SETD1A: variants seen among roughly 807,000 people sequenced by gnomAD.
SETD1A encodes the protein SET domain containing 1A, histone lysine methyltransferase.
In SETD1A, 29 loss-of-function variants were observed where a neutral mutation model predicts 149.9. That is an observed-to-expected ratio of 0.19 (90% confidence interval 0.14 to 0.26). The LOEUF (loss-of-function observed/expected upper bound fraction) is 0.26, where lower values mean the gene tolerates loss of function less well. Among genes scored for constraint, SETD1A ranks in the 10% least tolerant of loss-of-function variants. The pLI is 1.00. For missense variants in SETD1A, 2,109 were observed against 2,353.1 expected (o/e 0.90, Z 2.15); for synonymous variants, 1,141 against 968.5 (o/e 1.18, Z -3.31).
chr16:30,983,790 CG>C lies in SETD1A; in HGVS notation c.4950+22del. The C allele has an allele frequency of 6.2e-7, 1 of 1,613,198 alleles. No homozygotes were observed. The highest frequency in any genetic ancestry group is 8.5e-7 in the Non-Finnish European group (1 of 1,179,426). ...GCTGCACGGTGCGCCAGGGGCCAGC[CG>C]GGGCAGGAGTTGGGGGTCGGTGGGG... On this transcript the variant is annotated intron_variant, in intron 18 of 18. Transcript: ENST00000262519. This position sits in a 1 kb window ranked among gnomAD's most constrained non-coding sequence, Gnocchi z 6.8.
At chr16:30,958,519 T>C (rs917164187) in intron 1 of SETD1A, 198 bp from the exon 2 acceptor site, 1 of 579,414 alleles carries the variant, frequency 1.7e-6, no homozygotes, top group South Asian at 2.1e-5. Flanking sequence ...ACAGTAGAGT[T>C]GGGAGGTGGA....
rs1448837136 is a variant in SETD1A at position 30,965,090 on chromosome 16, A to G, written c.1348A>G (p.Ser450Gly). The G allele has an allele frequency of 6.2e-7, 1 of 1,611,344 alleles. No homozygotes were observed. Among genetic ancestry groups the G allele is most frequent in the Admixed American group, 1.7e-5 (1 of 59,972 alleles). The change falls in exon 7 of 19, where the codon AGC becomes GGC. Residue 450 changes from serine (S) to glycine (G), a missense_variant. Around this residue, in one of 8 missense-constraint regions of SETD1A, gnomAD observed 410 missense variants for 394.8 expected, o/e 1.04. Coordinates refer to ENST00000262519, the MANE Select transcript of SETD1A (RefSeq NM_014712.3). ...PGGGGGGGGP[S>G]PEREEVRTSP... ...TGGAGGCGGGGGTGGAGGAGGGCCC[A>G]GCCCTGAGAGAGAAGAAGTTCGGAC...
intron 17 of SETD1A, 101 bp downstream of exon 17, chr16:30,981,281 C>G (rs1172821840): frequency 6.8e-7 from 1 of 1,478,434 alleles, no homozygotes; most frequent in Non-Finnish European, 9.2e-7. Flanking sequence ...TGCACACTCC[C>G]TAACCCCGGT....
chr16:30,975,133 C>T (rs1258763956), intron 13 of SETD1A, among the ~76,000 whole-genome samples: 3 of 149,730 alleles, frequency 2.0e-5, no homozygotes, highest in Non-Finnish European at 3.0e-5. Flanking sequence ...GGTGACAGAG[C>T]GAGACTGTCT....
chr16:30,984,123 C>CT lies in SETD1A; in HGVS notation c.*100_*101insT. On this transcript the variant is annotated 3_prime_UTR_variant, in exon 19 of 19. Transcript: ENST00000262519. ...TAGTGGGCTCAGCAGGGCCCACATG[C>CT]CCCCATCTCCAAGCGTGGGGTTGGG... 1 of 1,132,478 alleles carries CT rather than the reference C, an allele frequency of 8.8e-7. No individual in the cohort carries two copies. The highest frequency in any genetic ancestry group is 1.2e-6 in the Non-Finnish European group (1 of 818,770). The allele number at this position is 1,132,478 out of a possible 1,614,324, so 70.2% of individuals were successfully genotyped here.
At chr16:30,978,167 G>A (rs551332299) in intron 13 of SETD1A, among the ~76,000 whole-genome samples, 25 of 152,004 alleles carry the variant, frequency 1.6e-4, no homozygotes, top group Non-Finnish European at 3.1e-4. Flanking sequence ...CCAGCTACTC[G>A]GGAGGCTGAG....
chr16:30,960,570 C>T (rs963109362), intron 3 of SETD1A, among the ~76,000 whole-genome samples: 1 of 152,126 alleles, frequency 6.6e-6, no homozygotes, highest in Non-Finnish European at 1.5e-5. Flanking sequence ...GCATGTCATG[C>T]TGCTTTTCTG....
Position 30,966,111 on chromosome 16 carries a change from T to C in SETD1A, c.2230T>C (p.Ser744Pro). Reference sequence around the variant, plus strand: ...GGGGCAGGAGGGCAGAGGGGCATACTCACGGGAGGCCTACCACCTGCCCAT... The same window carrying C: ...GGGGCAGGAGGGCAGAGGGGCATACCCACGGGAGGCCTACCACCTGCCCAT... ...AQGQEGRGAYSREAYHLPMPM... is the reference protein window; with the variant it reads ...AQGQEGRGAYPREAYHLPMPM... Residue 744 changes from serine (S) to proline (P), a missense_variant, in exon 8 of 19, where the codon TCA becomes CCA. This residue lies in a region of SETD1A where 431 missense variants were observed against 388.6 expected (regional missense o/e 1.11). Coordinates refer to ENST00000262519, the MANE Select transcript of SETD1A (RefSeq NM_014712.3). 6.3e-7 allele frequency: 1 copy of C among 1,598,624 alleles called. No homozygotes were observed. Among genetic ancestry groups the C allele is most frequent in the Non-Finnish European group, 8.5e-7 (1 of 1,171,190 alleles).
chr16:30,981,162 G>A lies in SETD1A; in HGVS notation c.4794G>A (p.Val1598=), dbSNP rs1156586777. ...CTGACGAGATGGTCATCGAATACGT[G>A]GGTCAGAACATCCGTCAGGTGAGGC... ...IAADEMVIEY[V]GQNIRQMVAD... is the part of the protein sequence containing the mutation. The change falls in exon 17 of 19, where the codon GTG becomes GTA. Residue 1598 remains valine (V), a synonymous_variant. Transcript: ENST00000262519. 1 of 1,614,166 alleles carries A rather than the reference G, an allele frequency of 6.2e-7. No individual in the cohort carries two copies. The highest frequency in any genetic ancestry group is 2.2e-5 in the East Asian group (1 of 44,884).
chr16:30,980,055 G>A lies in SETD1A; in HGVS notation c.4269G>A (p.Gln1423=). 2 of 1,518,568 alleles carry A rather than the reference G, an allele frequency of 1.3e-6. No individual in the cohort carries two copies. The highest frequency in any genetic ancestry group is 1.8e-6 in the Non-Finnish European group (2 of 1,120,072). The allele number at this position is 1,518,568 out of a possible 1,614,324, so 94.1% of individuals were successfully genotyped here. ...ACGAGCCACGCAGTGAGTTTGAACAGATGACCATCCTGTATGACATTTGGA... is the reference window on the plus strand; with the variant it reads ...ACGAGCCACGCAGTGAGTTTGAACAAATGACCATCCTGTATGACATTTGGA... ...RAYEPRSEFE[Q]MTILYDIWNS... is the part of the protein sequence containing the mutation. The change falls in exon 14 of 19, where the codon CAG becomes CAA. Residue 1423 remains glutamine (Q), a synonymous_variant. Coordinates refer to ENST00000262519, the MANE Select transcript of SETD1A (RefSeq NM_014712.3). The surrounding 1 kb of genome is among the most constrained non-coding windows in gnomAD (Gnocchi z 7.7).
intron 12 of SETD1A, among the ~76,000 whole-genome samples, chr16:30,969,921 C>G (rs1426588020): frequency 3.3e-5 from 5 of 152,156 alleles, no homozygotes; most frequent in African/African-American, 1.2e-4. Context: ...CATAGCTGTC[C>G]AAAAGGACAG....
In SETD1A at chr16:30,979,677, C is replaced by T. The variant is rs766411537; in HGVS notation, c.3891C>T (p.Leu1297=). 2 of 1,608,214 alleles carry T rather than the reference C, an allele frequency of 1.2e-6. No individual in the cohort carries two copies. The highest frequency in any genetic ancestry group is 2.2e-5 in the South Asian group (2 of 91,080). ...CTAGGCCCCTGCTCAGCCACATCCT[C>T]CTGGAGCACAACTATGCCCTGGCCG... ...ERPRPLLSHI[L]LEHNYALAVK... The change falls in exon 14 of 19, where the codon CTC becomes CTT. Residue 1297 remains leucine (L), a synonymous_variant. Coordinates refer to ENST00000262519, the MANE Select transcript of SETD1A (RefSeq NM_014712.3).
chr16:30,964,148 A>G lies in SETD1A; in HGVS notation c.694A>G (p.Thr232Ala), dbSNP rs753248686. 2 of 1,613,958 alleles carry G rather than the reference A, an allele frequency of 1.2e-6. No homozygotes were observed. Among genetic ancestry groups the G allele is most frequent in the East Asian group, 2.2e-5 (1 of 44,880 alleles). The change falls in exon 6 of 19, where the codon ACT becomes GCT. Residue 232 changes from threonine to alanine, a missense_variant. Thr to Ala is a moderately conservative substitution (Grantham distance 58, BLOSUM62 0). Around this residue, in one of 8 missense-constraint regions of SETD1A, gnomAD observed 410 missense variants for 394.8 expected, o/e 1.04. Transcript: ENST00000262519. ...CACAGCTGCCTACCCAGCAGGCACCACTGCGGTGGGCACTCCTGGCAACGG... is the reference window on the plus strand; with the variant it reads ...CACAGCTGCCTACCCAGCAGGCACCGCTGCGGTGGGCACTCCTGGCAACGG... ...SDTAAYPAGT[T>A]AVGTPGNGTP...
At position 30,980,751 on chromosome 16, in the gene SETD1A, G is replaced by A. The variant is rs752252129; in HGVS notation, c.4594G>A (p.Val1532Met). 2.5e-6 allele frequency: 4 copies of A among 1,612,704 alleles called. No homozygotes were observed. The highest frequency in any genetic ancestry group is 1.3e-5 in the African/African-American group (1 of 74,930). The change falls in exon 16 of 19, where the codon GTG becomes ATG. Residue 1532 changes from valine (V) to methionine (M), a missense_variant. This residue lies in a region of SETD1A where 254 missense variants were observed against 409.3 expected (regional missense o/e 0.62). Transcript: ENST00000262519. This position sits in a 1 kb window ranked among gnomAD's most constrained non-coding sequence, Gnocchi z 7.7. ...GTGTGTCTCACAGGGGACGAACCGC[G>A]TGCTGTCCGAGCGCCGGTCCGAGCA... is the stretch of plus-strand genomic sequence containing the variant. ...EGVDTQGTNR[V>M]LSERRSEQRR... is the part of the protein sequence containing the mutation.
intron 13 of SETD1A, among the ~76,000 whole-genome samples, chr16:30,973,013 A>C (rs2143546106): frequency 6.6e-6 from 1 of 152,324 alleles, no homozygotes; most frequent in South Asian, 2.1e-4. Context: ...AGCAGGCAGC[A>C]CGGCTGGCTT....
chr16:30,968,459 C>T (rs184947479), intron 10 of SETD1A, among the ~76,000 whole-genome samples: 4 of 150,800 alleles, frequency 2.7e-5, no homozygotes, highest in Non-Finnish European at 4.4e-5. Context: ...TGTATATACA[C>T]ACAAATATAT....
chr16:30,974,881 G>T (rs112096382), intron 13 of SETD1A, among the ~76,000 whole-genome samples: 304 of 151,982 alleles, frequency 2.0e-3, no homozygotes, highest in African/African-American at 7.1e-3. Context: ...GGTGGCTCAC[G>T]CCTGTAATCC....
intron 12 of SETD1A, 21 bp from the exon 13 acceptor site, chr16:30,971,357 C>T (rs1461367349): frequency 5.8e-6 from 9 of 1,560,126 alleles, no homozygotes; most frequent in African/African-American, 1.3e-5. Flanking sequence ...CCTCTCCTGA[C>T]TGCCCCTTCT....
At chr16:30,964,408 G>A (rs2143485989) in intron 6 of SETD1A, 85 bp downstream of exon 6, 1 of 1,345,462 alleles carries the variant, frequency 7.4e-7, no homozygotes, top group South Asian at 1.3e-5. Context: ...CTGTCTCCAA[G>A]AGGGAGTTGG....
Sources: gnomAD v4.1 joint callset for allele counts (sites outside exome capture counted in the v4.1 genomes callset) on GRCh38, gnomAD v4.1.1 for gene constraint, gnomAD v4.1.1 regional missense constraint, Gnocchi (gnomAD v3.1) non-coding constraint, MANE v1.5 for transcripts, NCBI Gene and HGNC (gene_info 2026-07-23, HGNC 2026-07-21) for gene names.